Variants in STXBP6 observed in about 807,000 individuals in gnomAD.
STXBP6 encodes syntaxin binding protein 6.
A neutral mutation model predicts 26.9 loss-of-function variants in STXBP6; 21 were observed. The observed-to-expected ratio is 0.78, with a 90% CI of 0.55 to 1.12. The LOEUF is 1.12. STXBP6 is among the 50% of genes most tolerant of loss of function. The probability of loss-of-function intolerance (pLI) is 0.00; values close to 1 mark genes in which losing one functional copy is unlikely to be tolerated. For missense variants in STXBP6, 232 were observed against 257.9 expected, an observed-to-expected ratio of 0.90 and a Z score of 0.69; for synonymous variants, 97 against 92.6, an observed-to-expected ratio of 1.05 and a Z score of -0.27.
chr14:24,879,714 C>T (rs1377404199), intron 2 of STXBP6, among the ~76,000 whole-genome samples: 3 of 145,082 alleles, frequency 2.1e-5, no homozygotes, highest in South Asian at 2.3e-4. Flanking sequence ...CTTTCCACGT[C>T]GCCTTTCTTT....
At chr14:24,848,107 C>T (rs2069026221) in intron 4 of STXBP6, among the ~76,000 whole-genome samples, 1 of 152,086 alleles carries the variant, frequency 6.6e-6, no homozygotes. Context: ...GATAAATATG[C>T]TGGGAGAAAT....
intron 4 of STXBP6, among the ~76,000 whole-genome samples, chr14:24,844,580 T>C (rs1472256949): frequency 6.6e-6 from 1 of 152,166 alleles, no homozygotes; most frequent in East Asian, 1.9e-4. Context: ...ATTGGAGAGT[T>C]ACTTGGTGTG....
chr14:24,897,430 A>G (rs866700628), intron 2 of STXBP6, among the ~76,000 whole-genome samples: 908 of 24,386 alleles, frequency 0.037, 7 homozygotes, highest in African/African-American at 0.054. Context: ...AAAAAAAAGG[A>G]AAAAAAAAAA....
chr14:24,930,850 G>A (rs1311792110), intron 2 of STXBP6, among the ~76,000 whole-genome samples: 1 of 151,782 alleles, frequency 6.6e-6, no homozygotes, highest in Non-Finnish European at 1.5e-5. Flanking sequence ...GGTGGCTCAC[G>A]CCTGTAATCC....
intron 1 of STXBP6, among the ~76,000 whole-genome samples, chr14:25,017,648 C>T (rs1158564331): frequency 1.3e-5 from 2 of 152,240 alleles, no homozygotes; most frequent in Non-Finnish European, 2.9e-5. Flanking sequence ...GGCCACAATA[C>T]ATCTCAATGA....
At chr14:24,980,182 C>T (rs541069405) in intron 1 of STXBP6, among the ~76,000 whole-genome samples, 2 of 152,192 alleles carry the variant, frequency 1.3e-5, no homozygotes, top group South Asian at 2.1e-4. Context: ...AAAACTTTAA[C>T]AGGTAGTCAG....
intron 2 of STXBP6, among the ~76,000 whole-genome samples, chr14:24,950,629 A>T (rs1440232729): frequency 6.6e-6 from 1 of 151,600 alleles, no homozygotes; most frequent in African/African-American, 2.4e-5. Context: ...TAAATAGGCA[A>T]ATCTAAACTG....
At chr14:24,976,852 C>CTT (rs71121808) in intron 1 of STXBP6, among the ~76,000 whole-genome samples, 890 of 45,270 alleles carry the variant, frequency 0.02, 186 homozygotes, top group Middle Eastern at 0.033. Context: ...ACTGGGCGCT[C>CTT]TTTTTTTTTT....
chr14:25,045,640 G>A (rs1407324956), intron 1 of STXBP6, among the ~76,000 whole-genome samples: 6 of 113,200 alleles, frequency 5.3e-5, no homozygotes, highest in African/African-American at 1.9e-4. Context: ...ATTCACTCTT[G>A]TTGCCCAGGC....
At chr14:24,948,116 A>T (rs1315851770) in intron 2 of STXBP6, among the ~76,000 whole-genome samples, 4 of 152,196 alleles carry the variant, frequency 2.6e-5, no homozygotes, top group Non-Finnish European at 5.9e-5. Context: ...AAAGGCGCCA[A>T]TCCCACTTCT....
chr14:24,958,102 C>T (rs1324946041), intron 2 of STXBP6, among the ~76,000 whole-genome samples: 2 of 152,172 alleles, frequency 1.3e-5, no homozygotes, highest in East Asian at 3.9e-4. Context: ...CTACAAAGTA[C>T]CTCTCATAAA....
At chr14:25,037,721 G>A (rs1006662146) in intron 1 of STXBP6, among the ~76,000 whole-genome samples, 1 of 152,152 alleles carries the variant, frequency 6.6e-6, no homozygotes, top group African/African-American at 2.4e-5. Context: ...AAGTATGTAT[G>A]TTTAGAGCAA....
At chr14:24,931,140 A>C (rs1595134456) in intron 2 of STXBP6, among the ~76,000 whole-genome samples, 1 of 144,028 alleles carries the variant, frequency 6.9e-6, no homozygotes, top group Admixed American at 7.0e-5. Context: ...AAAAAAAAAA[A>C]AACCCAAACA....
chr14:24,894,111 T>C (rs182753989), intron 2 of STXBP6, among the ~76,000 whole-genome samples: 1 of 152,324 alleles, frequency 6.6e-6, no homozygotes, highest in Non-Finnish European at 1.5e-5. Flanking sequence ...GGCAAGACTA[T>C]TAAAATTCAG....
intron 1 of STXBP6, among the ~76,000 whole-genome samples, chr14:25,011,341 T>C (rs972882170): frequency 2.0e-5 from 3 of 152,192 alleles, no homozygotes; most frequent in African/African-American, 7.2e-5. Flanking sequence ...GTCAAGTATT[T>C]CCTATGTTGG....
intron 2 of STXBP6, among the ~76,000 whole-genome samples, chr14:24,956,383 T>C (rs2073346936): frequency 6.6e-6 from 1 of 152,166 alleles, no homozygotes. Context: ...GTTTTGCTTG[T>C]AAAGCTTTTA....
At chr14:24,867,550 G>GA (rs796350751) in intron 2 of STXBP6, among the ~76,000 whole-genome samples, 26 of 152,232 alleles carry the variant, frequency 1.7e-4, no homozygotes, top group African/African-American at 6.0e-4. Flanking sequence ...ATGCTATGGA[G>GA]AAAGGACAGT....
chr14:24,813,424 G>C (rs1201021116), intron 5 of STXBP6, among the ~76,000 whole-genome samples: 1 of 152,172 alleles, frequency 6.6e-6, no homozygotes, highest in Non-Finnish European at 1.5e-5. Context: ...GAAATGGTAT[G>C]CAGGTACAGA....
intron 2 of STXBP6, among the ~76,000 whole-genome samples, chr14:24,971,102 T>C (rs943110804): frequency 2.6e-4 from 39 of 152,284 alleles, no homozygotes; most frequent in Admixed American, 9.8e-4. Context: ...CCAAGAAAGA[T>C]CATCTTATTT....
Sources: allele counts gnomAD v4.1 joint callset (sites outside exome capture counted in the v4.1 genomes callset), GRCh38; gene constraint gnomAD v4.1.1; transcripts MANE v1.5; gene names NCBI Gene and HGNC (gene_info 2026-07-23, HGNC 2026-07-21).